Variants in AKNAD1 observed in about 807,000 individuals in gnomAD.
The protein encoded by AKNAD1 is AKNA domain containing 1, also known as protein AKNAD1.
A neutral mutation model predicts 90.8 loss-of-function variants in AKNAD1; 67 were observed. The ratio of observed to expected loss-of-function variants is 0.74; its 90% CI spans 0.61 to 0.90. The LOEUF is 0.90. AKNAD1 is among the 40% of genes least tolerant of loss of function. The pLI, the probability that AKNAD1 is intolerant of heterozygous loss-of-function variation, is 0.00. For missense variants in AKNAD1, 957 were observed against 975.4 expected, an observed-to-expected ratio of 0.98 and a Z score of 0.25; for synonymous variants, 327 against 341.4, an observed-to-expected ratio of 0.96 and a Z score of 0.46.
chr1:108,844,595 G>C (rs939794421), intron 5 of AKNAD1, among the ~76,000 whole-genome samples: 1 of 152,016 alleles, frequency 6.6e-6, no homozygotes, highest in African/African-American at 2.4e-5. Context: ...GGTTGCCCAG[G>C]ACAGAAACAT....
intron 14 of AKNAD1, chr1:108,817,497 A>AATTT (rs71591110): frequency 1.7e-5 from 1 of 60,334 alleles, no homozygotes; most frequent in Non-Finnish European, 2.9e-5. Flanking sequence ...TTTTTTTTTA[A>AATTT]TTTTTTTTTT....
chr1:108,853,952 A>AAG lies in AKNAD1; in HGVS notation c.-103-1186_-103-1185insCT, dbSNP rs368939512. Among the ~76,000 whole-genome samples, 8 of 150,700 alleles carry AAG rather than the reference A, an allele frequency of 5.3e-5. No individual in the cohort carries two copies. In the South Asian group the frequency reaches 1.5e-3, roughly 28 times the overall value. On this transcript the variant is annotated intron_variant, in intron 1 of 15. Transcript: ENST00000370001. ...CCCCGTCTCAAAAAAAGAAAAAAAA[A>AAG]GAAATGTGACCAAGGGACAAATAGG...
At chr1:108,851,577 C>T (rs1664863679) in intron 2 of AKNAD1, 95 bp downstream of exon 2, 1 of 1,280,682 alleles carries the variant, frequency 7.8e-7, no homozygotes, top group African/African-American at 1.5e-5. Context: ...AACTTTGGAA[C>T]TAGAACCAAG....
chr1:108,816,967 CTT>C, intron 15 of AKNAD1, 79 bp downstream of exon 15: 1 of 1,536,332 alleles, frequency 6.5e-7, no homozygotes, highest in Non-Finnish European at 8.9e-7. Context: ...ACTGTAATAA[CTT>C]AAGAGCTGCC....
chr1:108,851,414 G>A (rs1314321465), intron 2 of AKNAD1, among the ~76,000 whole-genome samples: 3 of 152,190 alleles, frequency 2.0e-5, no homozygotes, highest in Admixed American at 1.3e-4. Context: ...AGGCAGCTAA[G>A]TTTAAGTGAG....
In AKNAD1 at chr1:108,823,700, C is replaced by A; in HGVS notation, c.1937-12G>T. ...TCCTGTATCAGAATCTGAAAAAGCC[C>A]AAGTTGCATGAATGAAGGGTAAGTG... On this transcript the variant is annotated splice_polypyrimidine_tract_variant and intron_variant, in intron 11 of 15. Transcript: ENST00000370001. 1 of 1,613,930 alleles carries A rather than the reference C, an allele frequency of 6.2e-7. No homozygotes were observed. The highest frequency in any genetic ancestry group is 1.1e-5 in the South Asian group (1 of 91,036).
chr1:108,847,633 C>T (rs1402093492), intron 5 of AKNAD1, among the ~76,000 whole-genome samples: 3 of 151,966 alleles, frequency 2.0e-5, no homozygotes, highest in Non-Finnish European at 4.4e-5. Flanking sequence ...ACACTGGCAG[C>T]ACTTCCTCAC....
At chr1:108,848,081 C>T (rs1664749769) in intron 5 of AKNAD1, among the ~76,000 whole-genome samples, 1 of 152,178 alleles carries the variant, frequency 6.6e-6, no homozygotes, top group Non-Finnish European at 1.5e-5. Flanking sequence ...AAGCACAGCC[C>T]TCCCTAAACC....
Position 108,837,596 on chromosome 1 carries a change from A to G in AKNAD1, c.1490T>C (p.Val497Ala), listed in dbSNP as rs373065253. 6.2e-7 allele frequency: 1 copy of G among 1,614,130 alleles called. No individual in the cohort carries two copies. Among genetic ancestry groups the G allele is most frequent in the Admixed American group, 1.7e-5 (1 of 60,024 alleles). ...GGTGGAGGCCAAGTCATCCAGGGTA[A>G]CTGGAGAACTCACAGGAAGGGAAGG... ...SAPSLPVSSP[V>A]TLDDLASTFS... is the part of the protein sequence containing the mutation. The change falls in exon 7 of 16, where the codon GTT becomes GCT. Residue 497 changes from valine to alanine, a missense_variant. Transcript: ENST00000370001.
intron 5 of AKNAD1, among the ~76,000 whole-genome samples, chr1:108,846,722 C>T (rs1345688011): frequency 6.6e-6 from 1 of 152,112 alleles, no homozygotes; most frequent in Non-Finnish European, 1.5e-5. Flanking sequence ...AGCGTCAACT[C>T]ACAACTATGC....
At chr1:108,823,539 C>T in intron 12 of AKNAD1, 27 bp downstream of exon 12, 1 of 1,613,422 alleles carries the variant, frequency 6.2e-7, no homozygotes. Flanking sequence ...CCCCACTCGC[C>T]TTTCTGAGGC....
chr1:108,834,732 A>C (rs537700313), intron 8 of AKNAD1, among the ~76,000 whole-genome samples, 197 bp downstream of exon 8: 1 of 151,878 alleles, frequency 6.6e-6, no homozygotes, highest in African/African-American at 2.4e-5. Context: ...CGTCCCTCAG[A>C]TCTCTGCCCA....
chr1:108,835,472 G>A (rs1399444892), intron 7 of AKNAD1, among the ~76,000 whole-genome samples: 1 of 152,080 alleles, frequency 6.6e-6, no homozygotes, highest in East Asian at 1.9e-4. Context: ...GAGAACTGAG[G>A]CACAGAGAGG....
At chr1:108,849,082 T>C (rs774194086) in intron 3 of AKNAD1, 22 bp from the exon 4 acceptor site, 4 of 1,551,610 alleles carry the variant, frequency 2.6e-6, no homozygotes, top group Non-Finnish European at 3.5e-6. Context: ...AGAACACATT[T>C]GGGCTACCAT....
intron 7 of AKNAD1, 127 bp downstream of exon 7, chr1:108,837,423 A>C: frequency 1.1e-6 from 1 of 901,370 alleles, no homozygotes; most frequent in Non-Finnish European, 1.7e-6. Context: ...AATTCATGGG[A>C]CTTTGGAAAG....
At chr1:108,817,536 CTG>C (rs1663656968) in intron 14 of AKNAD1, 1 of 109,654 alleles carries the variant, frequency 9.1e-6, no homozygotes, top group Non-Finnish European at 1.7e-5. Flanking sequence ...GAGTCTCGCT[CTG>C]TTGCCCAGGC....
intron 13 of AKNAD1, among the ~76,000 whole-genome samples, chr1:108,822,906 A>G (rs1048401617): frequency 6.6e-5 from 10 of 152,080 alleles, no homozygotes; most frequent in Non-Finnish European, 1.5e-5. Flanking sequence ...GTAGGGTTTT[A>G]ATTTTTTTTC....
At chr1:108,843,393 G>A (rs1434343673) in intron 5 of AKNAD1, 126 bp from the exon 6 acceptor site, 6 of 1,221,910 alleles carry the variant, frequency 4.9e-6, no homozygotes, top group South Asian at 4.8e-5. Flanking sequence ...TCTCCCAGCA[G>A]CATAAATTGT....
Position 108,843,246 on chromosome 1 carries a change from G to T in AKNAD1, c.1267C>A (p.His423Asn), listed in dbSNP as rs373760705. The change falls in exon 6 of 16, where the codon CAC (histidine) becomes AAC (asparagine). Residue 423 changes from histidine (H) to asparagine (N), a missense_variant. Transcript: ENST00000370001. ...KKLVLEKLQG[H>N]LELLEQNFLA... is the part of the protein sequence containing the mutation. ...AAGTTCTGCTCCAGCAGTTCAAGGTGTCCCTGCAGTTTCTCCAGGACCTGC... is the reference window on the plus strand; with the variant it reads ...AAGTTCTGCTCCAGCAGTTCAAGGTTTCCCTGCAGTTTCTCCAGGACCTGC... The T allele has an allele frequency of 6.8e-6, 11 of 1,613,884 alleles. No homozygotes were observed. Among genetic ancestry groups the T allele is most frequent in the Non-Finnish European group, 8.5e-6 (10 of 1,180,012 alleles).
Sources: allele counts gnomAD v4.1 joint callset (sites outside exome capture counted in the v4.1 genomes callset), GRCh38; gene constraint gnomAD v4.1.1; transcripts MANE v1.5; gene names NCBI Gene and HGNC (gene_info 2026-07-23, HGNC 2026-07-21).